Variants in SYNJ1 observed in about 807,000 individuals in gnomAD.
SYNJ1 encodes synaptojanin 1, also known as polyphosphatidylinositol phosphatase SYNJ1.
In SYNJ1, 78 loss-of-function variants were observed where a neutral mutation model predicts 168.2. The observed-to-expected ratio is 0.46, with a 90% confidence interval of 0.39 to 0.56. SYNJ1 has a LOEUF of 0.56. Among genes scored for constraint, SYNJ1 ranks in the 20% least tolerant of loss-of-function variants. SYNJ1 has a pLI of 0.00. For synonymous variants in SYNJ1, 539 were observed against 548.6 expected (o/e 0.98, Z 0.24); for missense variants, 1,303 against 1,597.6 (o/e 0.82, Z 3.14).
chr21:32,694,183 G>A, intron 6 of SYNJ1, 45 bp downstream of exon 6: 1 of 1,360,564 alleles, frequency 7.3e-7, no homozygotes, highest in Non-Finnish European at 9.9e-7. Flanking sequence ...TAGAAAATAT[G>A]AAAATTGTTC....
intron 15 of SYNJ1, among the ~76,000 whole-genome samples, chr21:32,669,797 T>C (rs1280748711): frequency 6.6e-6 from 1 of 152,204 alleles, no homozygotes; most frequent in Non-Finnish European, 1.5e-5. Flanking sequence ...AACTACATAG[T>C]TATGTGATTT....
rs1220716565 is a variant in SYNJ1, at chr21:32,726,773, G to C, written c.123C>G (p.Leu41=). ...LMFESGAVAV[L]SSAEKEAIKG... ...ATTGGGCTCTAACAGATGACTTACA[G>C]AGCACAGCGACAGCCCCAGACTCGA... Residue 41 remains leucine (L), a splice_region_variant and synonymous_variant, in exon 2 of 33, where the codon CTC becomes CTG. Coordinates refer to ENST00000674351, the MANE Select transcript of SYNJ1 (RefSeq NM_203446.3). The C allele has an allele frequency of 6.2e-7, 1 of 1,614,142 alleles. No individual in the cohort carries two copies. The highest frequency in any genetic ancestry group is 1.3e-5 in the African/African-American group (1 of 75,040).
chr21:32,717,143 G>A (rs908235221), intron 2 of SYNJ1, among the ~76,000 whole-genome samples: 2 of 152,068 alleles, frequency 1.3e-5, no homozygotes, highest in Non-Finnish European at 2.9e-5. Context: ...ATTTTTAGTA[G>A]AGATGGGATT....
intron 2 of SYNJ1, among the ~76,000 whole-genome samples, chr21:32,719,104 GAATGA>G (rs1244948023): frequency 1.3e-5 from 2 of 152,208 alleles, no homozygotes; most frequent in African/African-American, 4.8e-5. Flanking sequence ...AATCTGAACT[GAATGA>G]AATAAAGTGT....
At chr21:32,707,787 A>C (rs1421977077) in intron 2 of SYNJ1, among the ~76,000 whole-genome samples, 1 of 152,194 alleles carries the variant, frequency 6.6e-6, no homozygotes, top group African/African-American at 2.4e-5. Context: ...AATAATATAT[A>C]AAGTGGATCA....
chr21:32,684,015 T>C, intron 10 of SYNJ1, 23 bp downstream of exon 10: 1 of 1,605,312 alleles, frequency 6.2e-7, no homozygotes, highest in Admixed American at 1.7e-5. Context: ...ACAAGGCACA[T>C]ACATTTTAAT....
chr21:32,725,385 A>C (rs554929227), intron 2 of SYNJ1, among the ~76,000 whole-genome samples: 6 of 152,342 alleles, frequency 3.9e-5, no homozygotes, highest in African/African-American at 1.4e-4. Context: ...ACCAAGGTAT[A>C]GTTTAAATAC....
chr21:32,725,671 T>A (rs1487833129), intron 2 of SYNJ1, among the ~76,000 whole-genome samples: 1 of 152,194 alleles, frequency 6.6e-6, no homozygotes. Context: ...CTTCATTTAT[T>A]GAGGCTGGAG....
At chr21:32,716,733 T>C (rs1466228632) in intron 2 of SYNJ1, among the ~76,000 whole-genome samples, 1 of 152,244 alleles carries the variant, frequency 6.6e-6, no homozygotes, top group East Asian at 1.9e-4. Context: ...AGTGTTTTTC[T>C]TCCCTACCAA....
At chr21:32,662,842 T>C (rs2040768407) in intron 18 of SYNJ1, among the ~76,000 whole-genome samples, 1 of 152,098 alleles carries the variant, frequency 6.6e-6, no homozygotes, top group African/African-American at 2.4e-5. Flanking sequence ...TAAGGGACAA[T>C]GTAACCCCTT....
rs112921770 is a variant in SYNJ1 at position 32,671,275 on chromosome 21, A to C, written c.1727-903T>G. ...TGACCTATGATATGGAGACTGCACCACTGCCTGGGCAACAGAGAAAGACCC... is the reference window on the plus strand; with the variant it reads ...TGACCTATGATATGGAGACTGCACCCCTGCCTGGGCAACAGAGAAAGACCC... On this transcript the variant is annotated intron_variant, in intron 14 of 32. Transcript: ENST00000674351. 7.5e-4 allele frequency among the ~76,000 whole-genome samples: 114 copies of C among 152,084 alleles called. 1 individual carries two copies. The highest frequency in any genetic ancestry group is 2.6e-3 in the African/African-American group (109 of 41,506).
chr21:32,634,630 A>T (rs1412469120), intron 32 of SYNJ1, among the ~76,000 whole-genome samples: 3 of 152,136 alleles, frequency 2.0e-5, no homozygotes, highest in Non-Finnish European at 2.9e-5. Flanking sequence ...TAATTTTCAT[A>T]AAAAAATGAA....
At chr21:32,721,840 T>C (rs551008257) in intron 2 of SYNJ1, among the ~76,000 whole-genome samples, 14 of 152,324 alleles carry the variant, frequency 9.2e-5, no homozygotes, top group African/African-American at 3.4e-4. Flanking sequence ...CTAAATAATG[T>C]GTAATATACA....
chr21:32,681,775 A>G, intron 10 of SYNJ1, 127 bp from the exon 11 acceptor site: 3 of 773,294 alleles, frequency 3.9e-6, no homozygotes, highest in Non-Finnish European at 5.8e-6. Context: ...GCTTCTGAAA[A>G]CATAACAGTT....
Position 32,639,670 on chromosome 21 carries a change from C to T in SYNJ1, c.3697+1G>A. 1 of 1,613,568 alleles carries T rather than the reference C, an allele frequency of 6.2e-7. No individual in the cohort carries two copies. The highest frequency in any genetic ancestry group is 8.5e-7 in the Non-Finnish European group (1 of 1,179,844). On this transcript the variant is annotated splice_donor_variant, in intron 30 of 32. Transcript: ENST00000674351. LOFTEE classifies it high-confidence loss of function. ...GCCTCAGCCTCCCAAAGAGGACCTA[C>T]CTTTCGACGTTTCTGATGTTTTGCT...
chr21:32,675,320 G>T (rs1218528899), intron 13 of SYNJ1, among the ~76,000 whole-genome samples: 1 of 151,888 alleles, frequency 6.6e-6, no homozygotes, highest in East Asian at 1.9e-4. Context: ...GAAATAAAAA[G>T]ATAAAAAATA....
chr21:32,641,956 C>T lies in SYNJ1; in HGVS notation c.3528G>A (p.Gln1176=), dbSNP rs2039858216. Reference sequence around the variant, plus strand: ...CTGCAAGTCCTGCTTGAGGTGAAGGCTGACTGCGTCCTGGAACAAAGACAT... The same window carrying T: ...CTGCAAGTCCTGCTTGAGGTGAAGGTTGACTGCGTCCTGGAACAAAGACAT... The part of the protein sequence containing the change: ...TTRKDNIGRS[Q]PSPQAGLAGP... Residue 1176 remains glutamine (Q), a synonymous_variant, in exon 29 of 33, where the codon CAG becomes CAA. Transcript: ENST00000674351. The T allele has an allele frequency of 6.2e-7, 1 of 1,613,812 alleles. No homozygotes were observed. Among genetic ancestry groups the T allele is most frequent in the African/African-American group, 1.3e-5 (1 of 74,864 alleles).
Position 32,643,440 on chromosome 21 carries a change from T to G in SYNJ1, c.3448A>C (p.Ser1150Arg), listed in dbSNP as rs373387769. Residue 1150 changes from serine (S) to arginine (R), a missense_variant, in exon 27 of 33, where the codon AGT (serine) becomes CGT (arginine). Around this residue, in one of 2 missense-constraint regions of SYNJ1, gnomAD observed 383 missense variants for 388.8 expected, o/e 0.99. Coordinates refer to ENST00000674351, the MANE Select transcript of SYNJ1 (RefSeq NM_203446.3). Reference sequence around the variant, plus strand: ...ATCTCTCTCCTAGCTACCCCAGGACTGGGAGGGGCTCCAATACCTTTTTAG... The same window carrying G: ...ATCTCTCTCCTAGCTACCCCAGGACGGGGAGGGGCTCCAATACCTTTTTAG... ...KEFGGIGAPP[S>R]PGVARREMEA... The G allele has an allele frequency of 6.2e-7, 1 of 1,613,676 alleles. No individual in the cohort carries two copies. Among genetic ancestry groups the G allele is most frequent in the South Asian group, 1.1e-5 (1 of 91,054 alleles).
intron 15 of SYNJ1, among the ~76,000 whole-genome samples, chr21:32,669,455 T>C (rs771237443): frequency 3.9e-5 from 6 of 152,222 alleles, no homozygotes; most frequent in Non-Finnish European, 5.9e-5. Flanking sequence ...ACCAATATGA[T>C]GCTTTGATAT....
Sources: allele counts gnomAD v4.1 joint callset (sites outside exome capture counted in the v4.1 genomes callset), GRCh38; gene constraint gnomAD v4.1.1; regional missense constraint gnomAD v4.1.1; transcripts MANE v1.5; gene names NCBI Gene and HGNC (gene_info 2026-07-23, HGNC 2026-07-21).